ITIH6: variants seen among roughly 807,000 people sequenced by gnomAD.
ITIH6 encodes inter-alpha-trypsin inhibitor heavy chain family member 6, also known as inter-alpha-trypsin inhibitor heavy chain H6.
A neutral mutation model predicts 58.2 loss-of-function variants in ITIH6; 60 were observed. The ratio of observed to expected loss-of-function variants is 1.03; its 90% CI spans 0.84 to 1.28. ITIH6 has a LOEUF of 1.28. ITIH6 is among the 50% of genes most tolerant of loss of function. The pLI is 0.00. For missense variants in ITIH6, 1,290 were observed against 1,021.1 expected, an observed-to-expected ratio of 1.26 and a Z score of -3.59; for synonymous variants, 493 against 417.4, an observed-to-expected ratio of 1.18 and a Z score of -2.21.
chrX:54,786,950 G>A (rs970818103), intron 5 of ITIH6, among the ~76,000 whole-genome samples: 1 of 111,682 alleles, frequency 9.0e-6, no homozygotes, highest in African/African-American at 3.3e-5. Context: ...GCACACTCAA[G>A]TAGGAAGTGG....
chrX:54,794,114 A>G (rs1929396807), intron 2 of ITIH6, among the ~76,000 whole-genome samples: 3 of 110,314 alleles, frequency 2.7e-5, no homozygotes, highest in Non-Finnish European at 5.7e-5. Context: ...AAGTGTTTCT[A>G]GGCAGTTGAA....
rs374480700 is a variant in ITIH6 at position 54,749,965 on chromosome X, G to C, written c.3872C>G (p.Ser1291Cys). ...DSPRLLPRWASCWLVKRSHVE... is the reference protein window; with the variant it reads ...DSPRLLPRWACCWLVKRSHVE... ...ATGAGAGCGCTTCACCAGCCAGCAG[G>C]AAGCCCAGCGGGGCAGCAGCCTTGG... Residue 1291 changes from serine to cysteine, a missense_variant, in exon 13 of 13, where the codon TCC becomes TGC. By Grantham distance (112) the Ser-to-Cys change is moderately radical (BLOSUM62 -1). Transcript: ENST00000218436. The C allele has an allele frequency of 2.5e-6, 3 of 1,210,028 alleles. No individual in the cohort carries two copies. Among genetic ancestry groups the C allele is most frequent in the Non-Finnish European group, 3.4e-6 (3 of 895,221 alleles).
At chrX:54,782,418 AAAT>A (rs1023081354) in intron 5 of ITIH6, among the ~76,000 whole-genome samples, 3 of 110,937 alleles carry the variant, frequency 2.7e-5, no homozygotes, top group East Asian at 2.8e-4. Context: ...CTCTGTCTCA[AAAT>A]AATAATAATA....
intron 11 of ITIH6, among the ~76,000 whole-genome samples, chrX:54,751,786 T>C (rs750814140): frequency 8.9e-6 from 1 of 111,871 alleles, no homozygotes; most frequent in African/African-American, 3.3e-5. Context: ...CTTGGTGCAA[T>C]AGTGTATGTT....
chrX:54,796,940 A>G lies in ITIH6; in HGVS notation c.257+2T>C. The stretch of plus-strand genomic sequence containing the variant: ...AAGTGGTGACTTTGGAAGCAGACTT[A>G]CATAGTGAAATTGGAGATAAAGGCA... On this transcript the variant is annotated splice_donor_variant, in intron 2 of 12. Transcript: ENST00000218436. LOFTEE classifies it high-confidence loss of function. The G allele has an allele frequency of 8.3e-7, 1 of 1,209,292 alleles. No individual in the cohort carries two copies. Among genetic ancestry groups the G allele is most frequent in the Non-Finnish European group, 1.1e-6 (1 of 893,508 alleles).
chrX:54,756,850 A>C (rs1039056392), intron 8 of ITIH6, 115 bp downstream of exon 8: 25 of 464,822 alleles, frequency 5.4e-5, no homozygotes, highest in Non-Finnish European at 8.3e-5. Context: ...GCAAGCAAGC[A>C]AGGAAGCAGC....
chrX:54,781,760 C>G (rs1462861491), intron 5 of ITIH6, among the ~76,000 whole-genome samples: 2 of 112,226 alleles, frequency 1.8e-5, no homozygotes, highest in African/African-American at 3.2e-5. Flanking sequence ...GTAAGTTTTT[C>G]TATTATAAAG....
chrX:54,788,990 A>T (rs944799904), intron 4 of ITIH6, among the ~76,000 whole-genome samples: 1 of 112,382 alleles, frequency 8.9e-6, no homozygotes, highest in Non-Finnish European at 1.9e-5. Context: ...GCATGTCCGG[A>T]GGTACGCCAG....
chrX:54,749,786 G>C lies in ITIH6; in HGVS notation c.*109C>G, dbSNP rs1170675535. ...CCTTAGAACATGCGTGAGTCTGTGT[G>C]TCCCTGTGTGTGCTTCCATGTCCTT... On this transcript the variant is annotated 3_prime_UTR_variant, in exon 13 of 13. Coordinates refer to ENST00000218436, the MANE Select transcript of ITIH6 (RefSeq NM_198510.3). The C allele has an allele frequency of 1.8e-6, 1 of 558,615 alleles. No homozygotes were observed. Among genetic ancestry groups the C allele is most frequent in the African/African-American group, 2.3e-5 (1 of 42,630 alleles). 46.0% of individuals were successfully genotyped at this position (558,615 alleles called of 1,213,427 possible).
At chrX:54,777,433 G>A (rs1475218747) in intron 5 of ITIH6, among the ~76,000 whole-genome samples, 1 of 112,499 alleles carries the variant, frequency 8.9e-6, no homozygotes, top group African/African-American at 3.2e-5. Flanking sequence ...CTTTCTGATT[G>A]TACAGCCCCA....
At chrX:54,772,959 C>G (rs1928982995) in intron 6 of ITIH6, among the ~76,000 whole-genome samples, 1 of 111,356 alleles carries the variant, frequency 9.0e-6, no homozygotes, top group African/African-American at 3.3e-5. Context: ...TTAGTAGAGA[C>G]AGGGTTTTGC....
At chrX:54,755,512 C>T (rs760698071) in intron 8 of ITIH6, among the ~76,000 whole-genome samples, 30 of 110,843 alleles carry the variant, frequency 2.7e-4, no homozygotes, top group African/African-American at 8.5e-4. Context: ...GGGAGTTAAA[C>T]AGAGACCTGA....
In ITIH6 at chrX:54,749,679, T is replaced by C; in HGVS notation, c.*216A>G. ...GATTTGGAGAGGGTGAGACTGGAGATGTGAAGGACCATGAAGATGCAGGAG... is the reference window on the plus strand; with the variant it reads ...GATTTGGAGAGGGTGAGACTGGAGACGTGAAGGACCATGAAGATGCAGGAG... On this transcript the variant is annotated 3_prime_UTR_variant, in exon 13 of 13. Coordinates refer to ENST00000218436, the MANE Select transcript of ITIH6 (RefSeq NM_198510.3). 2.7e-6 allele frequency: 1 copy of C among 368,459 alleles called. No individual in the cohort carries two copies. The highest frequency in any genetic ancestry group is 4.7e-6 in the Non-Finnish European group (1 of 210,579). The allele number at this position is 368,459 out of a possible 1,213,427, so 30.4% of individuals were successfully genotyped here.
intron 6 of ITIH6, among the ~76,000 whole-genome samples, chrX:54,772,194 G>A (rs1344148221): frequency 8.9e-6 from 1 of 112,279 alleles, no homozygotes; most frequent in South Asian, 3.7e-4. Flanking sequence ...CCTGTCCTTT[G>A]CAGGAACAGG....
intron 5 of ITIH6, among the ~76,000 whole-genome samples, chrX:54,774,579 C>T (rs1415101169): frequency 8.8e-6 from 1 of 113,190 alleles, no homozygotes; most frequent in Non-Finnish European, 1.9e-5. Flanking sequence ...TTGTTTTAAC[C>T]TCCCTGTATA....
intron 5 of ITIH6, among the ~76,000 whole-genome samples, chrX:54,782,093 G>C (rs1366546508): frequency 9.0e-6 from 1 of 111,093 alleles, no homozygotes. Context: ...GCACCCTCTG[G>C]AGGGTGGTAG....
chrX:54,753,551 A>G (rs1928417202), intron 11 of ITIH6, 100 bp downstream of exon 11: 2 of 549,283 alleles, frequency 3.6e-6, no homozygotes, highest in Non-Finnish European at 6.3e-6. Context: ...AGTGAGGTGC[A>G]TTGCTATGTG....
chrX:54,772,287 A>G (rs1053850863), intron 6 of ITIH6, among the ~76,000 whole-genome samples: 18 of 112,422 alleles, frequency 1.6e-4, no homozygotes, highest in African/African-American at 5.8e-4. Context: ...TATCAGTGGG[A>G]GCTAAACATT....
intron 6 of ITIH6, among the ~76,000 whole-genome samples, chrX:54,764,385 A>G (rs913486214): frequency 7.8e-4 from 84 of 108,025 alleles, no homozygotes; most frequent in African/African-American, 2.8e-3. Context: ...TATTAGGTAT[A>G]TCTCCCAATG....
Sources: gnomAD v4.1 joint callset for allele counts (sites outside exome capture counted in the v4.1 genomes callset) on GRCh38, gnomAD v4.1.1 for gene constraint, MANE v1.5 for transcripts, NCBI Gene and HGNC (gene_info 2026-07-23, HGNC 2026-07-21) for gene names.